The following ZPBP variants were observed in gnomAD, a reference collection of about 807,000 sequenced individuals.
The protein encoded by ZPBP is zona pellucida binding protein, also known as zona pellucida-binding protein 1.
In ZPBP, 26 loss-of-function variants were observed where a neutral mutation model predicts 44.8. The ratio of observed to expected loss-of-function variants is 0.58; its 90% CI spans 0.43 to 0.81. The LOEUF is 0.81. Ranked by LOEUF, ZPBP falls within the 30% of genes least tolerant of loss-of-function variation. The probability of loss-of-function intolerance (pLI) is 0.00; values close to 1 mark genes in which losing one functional copy is unlikely to be tolerated. For synonymous variants in ZPBP, 174 were observed against 153.2 expected (o/e 1.14, Z -1.00); for missense variants, 409 against 434.0 (o/e 0.94, Z 0.51).
intron 4 of ZPBP, among the ~76,000 whole-genome samples, chr7:50,054,217 C>G (rs1375228651): frequency 1.3e-5 from 2 of 151,302 alleles, no homozygotes; most frequent in East Asian, 3.9e-4. Context: ...CAAAACAAAA[C>G]AAAAGCAAAA....
intron 2 of ZPBP, among the ~76,000 whole-genome samples, chr7:49,883,275 G>A (rs749479894): frequency 1.3e-4 from 20 of 152,186 alleles, no homozygotes; most frequent in Non-Finnish European, 2.5e-4. Flanking sequence ...CAGAATAGGC[G>A]AATCCAGGGC....
intron 4 of ZPBP, among the ~76,000 whole-genome samples, chr7:50,054,385 A>G (rs1053588558): frequency 6.6e-6 from 1 of 152,200 alleles, no homozygotes; most frequent in Non-Finnish European, 1.5e-5. Flanking sequence ...AATTAGTAAG[A>G]AAAAGACAAA....
At chr7:50,009,234 C>CA (rs57312395) in intron 6 of ZPBP, among the ~76,000 whole-genome samples, 40,041 of 125,080 alleles carry the variant, frequency 0.32, 7,258 homozygotes, top group Non-Finnish European at 0.42. Context: ...GACTCTGTCT[C>CA]AAAAAAAAAA....
intron 3 of ZPBP, among the ~76,000 whole-genome samples, chr7:50,064,032 A>G (rs2128835205): frequency 6.6e-6 from 1 of 152,138 alleles, no homozygotes; most frequent in Middle Eastern, 3.4e-3. Flanking sequence ...GTATCGGGGG[A>G]CCTGCCCCGA....
At chr7:49,982,434 T>C (rs1343833770) in intron 7 of ZPBP, among the ~76,000 whole-genome samples, 1 of 144,418 alleles carries the variant, frequency 6.9e-6, no homozygotes, top group Admixed American at 7.5e-5. Context: ...GTCATTTGTT[T>C]AATTTGTATT....
At chr7:50,051,436 T>C (rs1011541707) in intron 4 of ZPBP, among the ~76,000 whole-genome samples, 2 of 152,148 alleles carry the variant, frequency 1.3e-5, no homozygotes, top group Non-Finnish European at 2.9e-5. Context: ...TTACTGAGTA[T>C]ATACCGAAAG....
chr7:50,067,717 T>C (rs899955622), intron 3 of ZPBP, among the ~76,000 whole-genome samples: 2 of 152,132 alleles, frequency 1.3e-5, no homozygotes, highest in African/African-American at 4.8e-5. Flanking sequence ...ATAGCCGGGT[T>C]TAGAGTATTC....
intron 4 of ZPBP, among the ~76,000 whole-genome samples, chr7:50,057,117 G>T (rs1469357971): frequency 6.6e-6 from 1 of 151,630 alleles, no homozygotes; most frequent in Non-Finnish European, 1.5e-5. Context: ...CCCAGGAGGT[G>T]GAGGTTGCAG....
chr7:49,962,106 A>G (rs1795884345), intron 7 of ZPBP, among the ~76,000 whole-genome samples: 1 of 151,916 alleles, frequency 6.6e-6, no homozygotes, highest in Non-Finnish European at 1.5e-5. Context: ...TACATAAACC[A>G]TTTAAGAAAA....
chr7:49,886,518 T>A (rs1791909908), intron 2 of ZPBP, among the ~76,000 whole-genome samples: 1 of 152,244 alleles, frequency 6.6e-6, no homozygotes, highest in African/African-American at 2.4e-5. Context: ...TTTCTTCTTT[T>A]GATTTTAATT....
chr7:50,088,374 T>C (rs1213426381), intron 2 of ZPBP, among the ~76,000 whole-genome samples: 7 of 151,996 alleles, frequency 4.6e-5, no homozygotes, highest in Admixed American at 3.9e-4. Flanking sequence ...TAGGCAATAA[T>C]TTCTTAGATA....
At chr7:50,018,668 T>C (rs1442373390) in intron 5 of ZPBP, among the ~76,000 whole-genome samples, 1 of 152,032 alleles carries the variant, frequency 6.6e-6, no homozygotes, top group Non-Finnish European at 1.5e-5. Context: ...TATTTAACTC[T>C]ATATAATATA....
intron 2 of ZPBP, among the ~76,000 whole-genome samples, chr7:49,887,082 C>A (rs1291793361): frequency 6.6e-6 from 1 of 152,144 alleles, no homozygotes; most frequent in African/African-American, 2.4e-5. Context: ...TGCACATGAA[C>A]ATTAAACTAC....
At chr7:50,035,767 AC>A (rs549890245) in intron 4 of ZPBP, among the ~76,000 whole-genome samples, 20 of 144,164 alleles carry the variant, frequency 1.4e-4, no homozygotes, top group Admixed American at 1.3e-3. Context: ...TGGTAAGGAT[AC>A]AAAGAAGTAT....
At chr7:49,989,776 T>C (rs1363255967) in intron 6 of ZPBP, among the ~76,000 whole-genome samples, 1 of 152,212 alleles carries the variant, frequency 6.6e-6, no homozygotes, top group Non-Finnish European at 1.5e-5. Flanking sequence ...ATCAATATTC[T>C]AGTTCTGAGC....
At chr7:49,920,302 T>A (rs1187203272) in intron 1 of ZPBP, 1 of 152,182 alleles carries the variant, frequency 6.6e-6, no homozygotes, top group Non-Finnish European at 1.5e-5. Context: ...GATGAGATAA[T>A]TTTCCTTTAA....
At chr7:49,948,678 A>G (rs1045263878) in intron 7 of ZPBP, among the ~76,000 whole-genome samples, 1 of 152,160 alleles carries the variant, frequency 6.6e-6, no homozygotes, top group Non-Finnish European at 1.5e-5. Flanking sequence ...ACCACTTCAA[A>G]CACAATGAGA....
chr7:49,987,875 AC>A (rs1797381534), intron 6 of ZPBP, among the ~76,000 whole-genome samples: 1 of 152,292 alleles, frequency 6.6e-6, no homozygotes, highest in East Asian at 1.9e-4. Context: ...CTTTTAGTTC[AC>A]GTGACATTAA....
chr7:49,884,710 C>T (rs1374476632), intron 2 of ZPBP, among the ~76,000 whole-genome samples: 1 of 152,132 alleles, frequency 6.6e-6, no homozygotes, highest in Non-Finnish European at 1.5e-5. Flanking sequence ...GTGAGATTTA[C>T]AGCCCAAACT....
Sources: gnomAD v4.1 joint callset for allele counts (sites outside exome capture counted in the v4.1 genomes callset) on GRCh38, gnomAD v4.1.1 for gene constraint, MANE v1.5 for transcripts, NCBI Gene and HGNC (gene_info 2026-07-23, HGNC 2026-07-21) for gene names.